The following NCOR2 variants were observed in gnomAD, a reference collection of about 807,000 sequenced individuals.
The protein encoded by NCOR2 is CTG repeat protein 26.
NCOR2 carries 81 observed loss-of-function variants against 262.9 expected under a neutral mutation model. The observed-to-expected ratio is 0.31, with a 90% CI of 0.26 to 0.37. The LOEUF is 0.37. Ranked by LOEUF, NCOR2 falls within the 10% of genes least tolerant of loss-of-function variation. The probability of loss-of-function intolerance (pLI) is 1.00; values close to 1 mark genes in which losing one functional copy is unlikely to be tolerated. For synonymous variants in NCOR2, 1,659 were observed against 1,559.3 expected, an observed-to-expected ratio of 1.06 and a Z score of -1.51; for missense variants, 3,385 against 3,621.4, an observed-to-expected ratio of 0.93 and a Z score of 1.68.
At chr12:124,362,258 C>T in exon 22 of NCOR2, 1 of 1,314,848 alleles carries the variant, frequency 7.6e-7, no homozygotes, top group Non-Finnish European at 9.7e-7. Flanking sequence ...TTGGTGGGAG[C>T]TGCGTCCTCC....
At chr12:124,430,844 TC>T (rs1292951317) in intron 8 of NCOR2, 57 bp from the exon 11 acceptor site, 14 of 1,535,236 alleles carry the variant, frequency 9.1e-6, no homozygotes, top group Non-Finnish European at 8.8e-6. Context: ...ACCCGCCGCC[TC>T]CCCCCTGCCC....
chr12:124,422,373 TG>T, intron 12 of NCOR2, 127 bp downstream of exon 14: 1 of 1,053,096 alleles, frequency 9.5e-7, no homozygotes, highest in Non-Finnish European at 1.4e-6. Flanking sequence ...GAGGGGAGCA[TG>T]GCAGCTGGAG....
chr12:124,501,062 G>GCACACACACACACA (rs3040848), intron 1 of NCOR2, among the ~76,000 whole-genome samples: 4 of 147,920 alleles, frequency 2.7e-5, no homozygotes, highest in East Asian at 2.1e-4. Flanking sequence ...GCGCACGCGC[G>GCACACACACACACA]CACACACACA....
intron 1 of NCOR2, among the ~76,000 whole-genome samples, chr12:124,508,705 A>G (rs1429630527): frequency 2.0e-5 from 3 of 152,204 alleles, no homozygotes; most frequent in Non-Finnish European, 4.4e-5. Context: ...CAAAGCCAAG[A>G]AGCCCAATTT....
chr12:124,464,488 G>A (rs1449571516), intron 5 of NCOR2, among the ~76,000 whole-genome samples: 1 of 152,226 alleles, frequency 6.6e-6, no homozygotes, highest in African/African-American at 2.4e-5. Context: ...TGCAATCTCA[G>A]GGAGGTCTCC....
chr12:124,388,554 A>T, intron 16 of NCOR2: 1 of 918,446 alleles, frequency 1.1e-6, no homozygotes, highest in Non-Finnish European at 1.5e-6. Context: ...ATGGGCTGGG[A>T]CCCCCATCCA....
chr12:124,326,733 C>T (rs1422803593), intron 45 of NCOR2, among the ~76,000 whole-genome samples: 2 of 152,160 alleles, frequency 1.3e-5, no homozygotes, highest in Non-Finnish European at 2.9e-5. Context: ...CATGCTAAGG[C>T]TAGGCAGGAT....
chr12:124,378,470 GCAAA>G lies in NCOR2; in HGVS notation c.2020-90_2020-87del. On this transcript the variant is annotated intron_variant, in intron 17 of 46. Coordinates refer to ENST00000405201, the Ensembl canonical transcript of NCOR2. The surrounding 1 kb of genome is among the most constrained non-coding windows in gnomAD (Gnocchi z 4.2). ...CCATGCCTGGGGCCTCGCCGCAGGT[GCAAA>G]GGGCAGTGATCCCGGCCATGTAGCA... The G allele has an allele frequency of 7.4e-7, 1 of 1,354,950 alleles. No individual in the cohort carries two copies. Among genetic ancestry groups the G allele is most frequent in the Non-Finnish European group, 9.9e-7 (1 of 1,006,848 alleles). The allele number at this position is 1,354,950 out of a possible 1,614,324, so 83.9% of individuals were successfully genotyped here.
At chr12:124,388,125 G>A (rs1049810207) in intron 16 of NCOR2, among the ~76,000 whole-genome samples, 3 of 152,238 alleles carry the variant, frequency 2.0e-5, no homozygotes, top group Admixed American at 6.5e-5. Flanking sequence ...GAAAACATAC[G>A]GCTCCCAAAG....
chr12:124,464,487 A>G (rs2046328218), intron 5 of NCOR2, among the ~76,000 whole-genome samples: 1 of 152,220 alleles, frequency 6.6e-6, no homozygotes, highest in Non-Finnish European at 1.5e-5. Context: ...CTGCAATCTC[A>G]GGGAGGTCTC....
exon 47 of NCOR2, chr12:124,325,447 C>T: frequency 1.6e-6 from 2 of 1,268,230 alleles, no homozygotes; most frequent in Non-Finnish European, 2.0e-6. Context: ...AGAGCAGTGG[C>T]TTGGGCTCCT....
chr12:124,372,037 C>A (rs1169309528), exon 20 of NCOR2: 1 of 1,595,740 alleles, frequency 6.3e-7, no homozygotes, highest in Non-Finnish European at 8.5e-7. Flanking sequence ...CTTGTCGCCG[C>A]CCTCGGCCTC....
At chr12:124,460,977 G>A (rs1455738234) in intron 5 of NCOR2, among the ~76,000 whole-genome samples, 1 of 152,238 alleles carries the variant, frequency 6.6e-6, no homozygotes, top group African/African-American at 2.4e-5. Flanking sequence ...CAGCTTGCAG[G>A]GGACGCCAGG....
Position 124,454,031 on chromosome 12 carries a change from C to A in NCOR2, c.762+3075G>T, listed in dbSNP as rs879901919. Among the ~76,000 whole-genome samples, 2 of 152,228 alleles carry A rather than the reference C, an allele frequency of 1.3e-5. No homozygotes were observed. The highest frequency in any genetic ancestry group is 3.8e-4 in the East Asian group (2 of 5,196). The stretch of plus-strand genomic sequence containing the variant: ...CACCTCAGGCCGTCCCTGGCCCGGG[C>A]TTCTGGCACCCAGTTGGTAGACAGG... On this transcript the variant is annotated intron_variant, in intron 6 of 46. Transcript: ENST00000405201. This position sits in a 1 kb window ranked among gnomAD's most constrained non-coding sequence, Gnocchi z 5.6.
At chr12:124,362,252 T>C in exon 22 of NCOR2, 1 of 1,318,436 alleles carries the variant, frequency 7.6e-7, no homozygotes, top group South Asian at 2.8e-5. Context: ...GCTGGCTTGG[T>C]GGGAGCTGCG....
In NCOR2 at chr12:124,503,872, C is replaced by G. The variant is rs889354570; in HGVS notation, c.-117-8504G>C. On this transcript the variant is annotated intron_variant, in intron 1 of 46. Coordinates refer to the NCOR2 transcript ENST00000404621. This position sits in a 1 kb window ranked among gnomAD's most constrained non-coding sequence, Gnocchi z 4.3. ...TGGTCTTACATTTCTAACCAATCCCCAGGGCCAAGCATGTCTTCATCCTGC... is the reference window on the plus strand; with the variant it reads ...TGGTCTTACATTTCTAACCAATCCCGAGGGCCAAGCATGTCTTCATCCTGC... 2.6e-5 allele frequency among the ~76,000 whole-genome samples: 4 copies of G among 152,306 alleles called. No homozygotes were observed. Among genetic ancestry groups the G allele is most frequent in the African/African-American group, 9.6e-5 (4 of 41,564 alleles).
At chr12:124,416,253 C>G (rs1348538667) in intron 13 of NCOR2, among the ~76,000 whole-genome samples, 1 of 152,188 alleles carries the variant, frequency 6.6e-6, no homozygotes, top group East Asian at 1.9e-4. Context: ...ATTTACCCAT[C>G]AAAAATGAGC....
intron 1 of NCOR2, among the ~76,000 whole-genome samples, chr12:124,502,621 G>C (rs550988714): frequency 1.9e-4 from 29 of 152,248 alleles, no homozygotes; most frequent in Non-Finnish European, 3.5e-4. Flanking sequence ...GGGGAGAGTG[G>C]GGTGAGCGAA....
chr12:124,505,761 G>T (rs1413021903), intron 1 of NCOR2, among the ~76,000 whole-genome samples: 1 of 152,104 alleles, frequency 6.6e-6, no homozygotes. Flanking sequence ...CTGCCACGCC[G>T]ACCACTCGGG....
Sources: gnomAD v4.1 joint callset for allele counts (sites outside exome capture counted in the v4.1 genomes callset) on GRCh38, gnomAD v4.1.1 for gene constraint, Gnocchi (gnomAD v3.1) non-coding constraint, MANE v1.5 for transcripts, NCBI Gene and HGNC (gene_info 2026-07-23, HGNC 2026-07-21) for gene names.